The following IFT81 variants were observed in gnomAD, a reference collection of about 807,000 sequenced individuals.
IFT81 encodes the protein intraflagellar transport 81, also known as intraflagellar transport protein 81 homolog.
A neutral mutation model predicts 102.6 loss-of-function variants in IFT81; 72 were observed. The observed-to-expected ratio is 0.70, with a 90% CI of 0.58 to 0.85. IFT81 has a LOEUF of 0.85. Ranked by LOEUF, IFT81 falls within the 40% of genes least tolerant of loss-of-function variation. The probability of loss-of-function intolerance (pLI) is 0.00; values close to 1 mark genes in which losing one functional copy is unlikely to be tolerated. For missense variants in IFT81, 723 were observed against 787.3 expected, an observed-to-expected ratio of 0.92 and a Z score of 0.98; for synonymous variants, 237 against 242.7, an observed-to-expected ratio of 0.98 and a Z score of 0.22.
At chr12:110,209,258 T>G in intron 18 of IFT81, 42 bp downstream of exon 18, 6 of 993,580 alleles carry the variant, frequency 6.0e-6, no homozygotes, top group Non-Finnish European at 9.4e-6. Flanking sequence ...TCTAACTGAT[T>G]CAGGCTTTCA....
chr12:110,197,236 A>G (rs1242879548), intron 14 of IFT81, among the ~76,000 whole-genome samples: 1 of 140,406 alleles, frequency 7.1e-6, no homozygotes, highest in Non-Finnish European at 1.5e-5. Context: ...AGATAAGTAG[A>G]TAGGTAGGTA....
At chr12:110,172,358 T>TCTCCCTCTCCCCAC (rs1896780245) in intron 11 of IFT81, among the ~76,000 whole-genome samples, 1 of 151,352 alleles carries the variant, frequency 6.6e-6, no homozygotes, top group African/African-American at 2.4e-5. Flanking sequence ...CCTCTCCCCA[T>TCTCCCTCTCCCCAC]GGTCTCCCTC....
At chr12:110,142,201 C>G (rs1466860857) in intron 8 of IFT81, among the ~76,000 whole-genome samples, 2 of 151,984 alleles carry the variant, frequency 1.3e-5, no homozygotes, top group East Asian at 3.9e-4. Context: ...TCCCTCTATC[C>G]CCCAGGCTGG....
At chr12:110,210,373 G>T (rs1186633778) in intron 18 of IFT81, among the ~76,000 whole-genome samples, 1 of 152,120 alleles carries the variant, frequency 6.6e-6, no homozygotes, top group Non-Finnish European at 1.5e-5. Context: ...AGTCTATATT[G>T]CATAATGAAG....
chr12:110,159,999 A>G (rs2137429129), intron 10 of IFT81, among the ~76,000 whole-genome samples: 1 of 152,308 alleles, frequency 6.6e-6, no homozygotes, highest in South Asian at 2.1e-4. Context: ...ACACCAGAGA[A>G]ACTGTTCACT....
At chr12:110,196,567 C>A (rs900876412) in intron 14 of IFT81, among the ~76,000 whole-genome samples, 3 of 152,012 alleles carry the variant, frequency 2.0e-5, no homozygotes, top group African/African-American at 7.2e-5. Flanking sequence ...AAACAAAAAC[C>A]AGCCCAGGGT....
intron 14 of IFT81, among the ~76,000 whole-genome samples, chr12:110,202,457 C>CTTTTT (rs1472257322): frequency 1.4e-5 from 2 of 144,334 alleles, no homozygotes; most frequent in Non-Finnish European, 1.5e-5. Flanking sequence ...GTGATTCCAC[C>CTTTTT]TTTTTTTTTT....
intron 17 of IFT81, among the ~76,000 whole-genome samples, chr12:110,207,556 C>CTTTTTTTTTTTT (rs896586216): frequency 1.0e-5 from 1 of 97,188 alleles, no homozygotes; most frequent in Admixed American, 1.4e-4. Context: ...GTCCTTCAGT[C>CTTTTTTTTTTTT]TTTTTTTTTT....
Position 110,135,455 on chromosome 12 carries a change from T to A in IFT81, c.696+18T>A. 7.0e-7 allele frequency: 1 copy of A among 1,425,052 alleles called. No homozygotes were observed. Among genetic ancestry groups the A allele is most frequent in the South Asian group, 1.2e-5 (1 of 84,632 alleles). The allele number at this position is 1,425,052 out of a possible 1,614,324, so 88.3% of individuals were successfully genotyped here. A position where few individuals can be genotyped will look rare whatever the true frequency, so the allele number is the denominator to read the frequency against. The stretch of plus-strand genomic sequence containing the variant: ...AGAATCAGGTATCCACATAAAAGTT[T>A]ATATTCTCAGTATGAAGGAAATAGT... On this transcript the variant is annotated intron_variant, in intron 7 of 18. Coordinates refer to ENST00000242591, the MANE Select transcript of IFT81 (RefSeq NM_014055.4).
intron 12 of IFT81, among the ~76,000 whole-genome samples, chr12:110,190,389 C>A (rs929676451): frequency 9.2e-5 from 14 of 152,160 alleles, no homozygotes; most frequent in Admixed American, 1.3e-4. Flanking sequence ...TTCTCAGGAT[C>A]ATCTTCTCTG....
intron 5 of IFT81, among the ~76,000 whole-genome samples, chr12:110,132,915 C>A (rs1382695714): frequency 1.3e-5 from 2 of 151,252 alleles, no homozygotes; most frequent in African/African-American, 4.9e-5. Flanking sequence ...AGAATAATGA[C>A]AAGAACCTAG....
At chr12:110,179,773 T>TACATATACACACACAC (rs1555266292) in intron 11 of IFT81, among the ~76,000 whole-genome samples, 1 of 50,492 alleles carries the variant, frequency 2.0e-5, no homozygotes, top group Non-Finnish European at 4.1e-5. Context: ...TATATATATA[T>TACATATACACACACAC]ACACACACAC....
intron 11 of IFT81, among the ~76,000 whole-genome samples, chr12:110,180,209 G>C (rs1897265961): frequency 1.3e-5 from 2 of 150,810 alleles, no homozygotes; most frequent in Non-Finnish European, 3.0e-5. Context: ...GAAGATGGGG[G>C]TTGGGAAGTT....
At position 110,139,863 on chromosome 12, in the gene IFT81, A is replaced by AAT. The variant is rs1432520723; in HGVS notation, c.781+3004_781+3005insTA. Among the ~76,000 whole-genome samples, 107 of 90,726 alleles carry AAT rather than the reference A, an allele frequency of 1.2e-3. 1 individual carries two copies. Among genetic ancestry groups the AAT allele is most frequent in the African/African-American group, 4.4e-3 (99 of 22,306 alleles). The allele number at this position is 90,726 out of a possible 152,430, so 59.5% of individuals were successfully genotyped here. A position where few individuals can be genotyped will look rare whatever the true frequency, so the allele number is the denominator to read the frequency against. On this transcript the variant is annotated intron_variant, in intron 8 of 18. Coordinates refer to ENST00000242591, the MANE Select transcript of IFT81 (RefSeq NM_014055.4). ...AAAATAAAATAAATAAAATAAAATA[A>AAT]AATATAAAATAAAATAAAATAAAAT...
intron 12 of IFT81, among the ~76,000 whole-genome samples, chr12:110,181,713 A>T (rs1401244832): frequency 6.6e-6 from 1 of 152,164 alleles, no homozygotes; most frequent in Non-Finnish European, 1.5e-5. Flanking sequence ...GTGTGTTAAA[A>T]ATCTCTAACT....
intron 8 of IFT81, among the ~76,000 whole-genome samples, chr12:110,139,405 C>T (rs952574255): frequency 6.0e-5 from 9 of 149,758 alleles, no homozygotes; most frequent in South Asian, 2.1e-4. Context: ...TATGGTTCAG[C>T]GACTCACACC....
chr12:110,189,996 A>G (rs571021199), intron 12 of IFT81, among the ~76,000 whole-genome samples: 3 of 152,286 alleles, frequency 2.0e-5, no homozygotes, highest in Non-Finnish European at 4.4e-5. Flanking sequence ...TGAACTATTG[A>G]GACGGTCTTC....
At chr12:110,131,982 A>G (rs994495759) in intron 4 of IFT81, among the ~76,000 whole-genome samples, 2 of 152,212 alleles carry the variant, frequency 1.3e-5, no homozygotes, top group Non-Finnish European at 1.5e-5. Flanking sequence ...TCAGACATCA[A>G]CATAGCTAGT....
chr12:110,138,078 C>A (rs1406856381), intron 8 of IFT81, among the ~76,000 whole-genome samples: 1 of 152,156 alleles, frequency 6.6e-6, no homozygotes, highest in African/African-American at 2.4e-5. Context: ...GGAAAGCTCT[C>A]ATTTGTACTG....
Sources: gnomAD v4.1 joint callset for allele counts (sites outside exome capture counted in the v4.1 genomes callset) on GRCh38, gnomAD v4.1.1 for gene constraint, MANE v1.5 for transcripts, NCBI Gene and HGNC (gene_info 2026-07-23, HGNC 2026-07-21) for gene names.